RABGAP1: variants seen among roughly 807,000 people sequenced by gnomAD.
The protein encoded by RABGAP1 is rab GTPase-activating protein 1.
RABGAP1 carries 23 observed loss-of-function variants against 137.6 expected under a neutral mutation model. That is an observed-to-expected ratio of 0.17 (90% CI 0.12 to 0.24). RABGAP1 has a LOEUF of 0.24. Among genes scored for constraint, RABGAP1 ranks in the 10% least tolerant of loss-of-function variants. RABGAP1 has a pLI of 1.00. For synonymous variants in RABGAP1, 451 were observed against 450.7 expected (o/e 1.00, Z -0.01); for missense variants, 906 against 1,275.8 (o/e 0.71, Z 4.42).
At chr9:123,000,378 A>G (rs1424669232) in intron 10 of RABGAP1, among the ~76,000 whole-genome samples, 1 of 152,028 alleles carries the variant, frequency 6.6e-6, no homozygotes, top group African/African-American at 2.4e-5. Flanking sequence ...TTGTTCTACC[A>G]CCTACTGCTT....
At chr9:123,099,683 G>A in intron 24 of RABGAP1, 134 bp downstream of exon 24, 1 of 701,086 alleles carries the variant, frequency 1.4e-6, no homozygotes, top group Admixed American at 2.6e-5. Context: ...CACAGGTCCT[G>A]GCTCAGTAGT....
chr9:122,950,377 C>CTTTCTTTTTTTT (rs1834167534), intron 1 of RABGAP1, among the ~76,000 whole-genome samples: 2 of 74,492 alleles, frequency 2.7e-5, no homozygotes, highest in African/African-American at 1.1e-4. Flanking sequence ...CTTTTTCTTT[C>CTTTCTTTTTTTT]TTTTTTTTTT....
At chr9:123,046,852 C>T (rs2033229438) in intron 13 of RABGAP1, among the ~76,000 whole-genome samples, 1 of 152,128 alleles carries the variant, frequency 6.6e-6, no homozygotes, top group South Asian at 2.1e-4. Context: ...AAATGAATGA[C>T]ATAAATATAG....
At chr9:123,076,907 A>T in intron 19 of RABGAP1, 145 bp downstream of exon 19, 22 of 435,838 alleles carry the variant, frequency 5.0e-5, no homozygotes, top group South Asian at 1.0e-4. Flanking sequence ...TATATAAATA[A>T]TATTAATGAT....
rs1002133225 is a variant in RABGAP1, at chr9:123,070,281, C to A, written c.1909-69C>A. 6 of 1,605,312 alleles carry A rather than the reference C, an allele frequency of 3.7e-6. No individual in the cohort carries two copies. In the South Asian group the frequency reaches 6.7e-5, roughly 18 times the overall value. On this transcript the variant is annotated intron_variant, in intron 14 of 25. Coordinates refer to ENST00000373647, the MANE Select transcript of RABGAP1 (RefSeq NM_012197.4). The surrounding 1 kb of genome is among the most constrained non-coding windows in gnomAD (Gnocchi z 4.4). ...CCTCCAGGGTTCTGTATTCAAGGTC[C>A]TATAGTGCCACCATGGCCCACAAGT...
intron 6 of RABGAP1, chr9:122,990,891 T>C (rs1836689111): frequency 6.9e-6 from 1 of 144,282 alleles, no homozygotes; most frequent in Admixed American, 7.0e-5. Context: ...TGATTGTATT[T>C]GCTTGTTTTA....
intron 13 of RABGAP1, among the ~76,000 whole-genome samples, chr9:123,042,718 C>T (rs1032930034): frequency 3.3e-5 from 5 of 152,048 alleles, no homozygotes; most frequent in African/African-American, 1.2e-4. Context: ...CAATAGCTGA[C>T]TAACAGAATC....
intron 10 of RABGAP1, among the ~76,000 whole-genome samples, chr9:123,003,448 A>G (rs1297703994): frequency 6.6e-6 from 1 of 152,244 alleles, no homozygotes; most frequent in African/African-American, 2.4e-5. Flanking sequence ...GAAATTAAGC[A>G]TAATTTAAAA....
intron 13 of RABGAP1, among the ~76,000 whole-genome samples, chr9:123,038,461 G>C (rs748531179): frequency 6.6e-6 from 1 of 152,184 alleles, no homozygotes; most frequent in Non-Finnish European, 1.5e-5. Context: ...TGGTGGAGTG[G>C]TTTCTAGGAG....
intron 13 of RABGAP1, among the ~76,000 whole-genome samples, chr9:123,022,856 G>A (rs1024267352): frequency 1.3e-5 from 2 of 151,998 alleles, no homozygotes; most frequent in Admixed American, 6.6e-5. Context: ...CTGTCTTCCT[G>A]GAATTAAGAG....
chr9:122,959,364 C>CA (rs33932737), intron 2 of RABGAP1, among the ~76,000 whole-genome samples: 88,047 of 107,624 alleles, frequency 0.82, 37,110 homozygotes, highest in East Asian at 0.87. Context: ...TGGGGCTTTA[C>CA]AAAAAAAAAA....
chr9:123,000,552 G>C (rs1837266520), intron 10 of RABGAP1, among the ~76,000 whole-genome samples: 1 of 151,932 alleles, frequency 6.6e-6, no homozygotes, highest in African/African-American at 2.4e-5. Context: ...TCTTTATCTT[G>C]GTTCTCAGGA....
Position 123,082,302 on chromosome 9 carries a change from C to T in RABGAP1, c.2424+5540C>T, listed in dbSNP as rs372262953. Reference sequence around the variant, plus strand: ...ATTTAGCTATCCATTGAACTTCTCCCGCTTTATGGGTCAGTGACCTGAGAT... The same window carrying T: ...ATTTAGCTATCCATTGAACTTCTCCTGCTTTATGGGTCAGTGACCTGAGAT... On this transcript the variant is annotated intron_variant, in intron 19 of 25. Transcript: ENST00000373647. Among the ~76,000 whole-genome samples, 5 of 152,186 alleles carry T rather than the reference C, an allele frequency of 3.3e-5. No homozygotes were observed. In the East Asian group the frequency reaches 7.7e-4, roughly 23 times the overall value.
At position 122,990,102 on chromosome 9, in the gene RABGAP1, C is replaced by T. The variant is rs1433910601; in HGVS notation, c.812C>T (p.Ala271Val). 1.2e-6 allele frequency: 2 copies of T among 1,610,820 alleles called. No homozygotes were observed. The highest frequency in any genetic ancestry group is 1.1e-5 in the South Asian group (1 of 90,982). ...TTTGCCACTGCCTTCCGCCGTTCTG[C>T]CAAGCAGACCCCACTTTCAGCCACT... ...YSFATAFRRS[A>V]KQTPLSATAA... The change falls in exon 6 of 26, where the codon GCC (alanine) becomes GTC (valine). Residue 271 changes from alanine to valine, a missense_variant. Coordinates refer to ENST00000373647, the MANE Select transcript of RABGAP1 (RefSeq NM_012197.4).
intron 10 of RABGAP1, among the ~76,000 whole-genome samples, chr9:123,003,417 AG>A (rs2029908233): frequency 6.6e-6 from 1 of 152,204 alleles, no homozygotes; most frequent in Admixed American, 6.5e-5. Flanking sequence ...TTCATCTATA[AG>A]AGTATTTTTA....
chr9:123,080,941 A>G (rs962610314), intron 19 of RABGAP1, among the ~76,000 whole-genome samples: 1 of 152,100 alleles, frequency 6.6e-6, no homozygotes, highest in Non-Finnish European at 1.5e-5. Context: ...AGTTATACCA[A>G]CTATGCCTCC....
intron 20 of RABGAP1, 99 bp from the exon 21 acceptor site, chr9:123,090,176 C>A: frequency 1.1e-6 from 1 of 876,924 alleles, no homozygotes; most frequent in Non-Finnish European, 1.7e-6. Context: ...CTTATTGTTT[C>A]CATAGGACTT....
chr9:123,008,288 G>A (rs746742887), intron 10 of RABGAP1, among the ~76,000 whole-genome samples: 60 of 151,958 alleles, frequency 3.9e-4, no homozygotes, highest in Non-Finnish European at 2.1e-4. Context: ...GGCCGGGCAC[G>A]GTGGCTCATG....
chr9:123,035,237 A>C, intron 13 of RABGAP1: 1 of 1,614,212 alleles, frequency 6.2e-7, no homozygotes, highest in Non-Finnish European at 8.5e-7. Flanking sequence ...CACACAAAGG[A>C]TATCAGCGAA....
Sources: allele counts gnomAD v4.1 joint callset (sites outside exome capture counted in the v4.1 genomes callset), GRCh38; gene constraint gnomAD v4.1.1; non-coding constraint Gnocchi (gnomAD v3.1); transcripts MANE v1.5; gene names NCBI Gene and HGNC (gene_info 2026-07-23, HGNC 2026-07-21).